The following DST variants were observed in gnomAD, a reference collection of about 807,000 sequenced individuals.
DST encodes dystonin.
DST carries 253 observed loss-of-function variants against 875.2 expected under a neutral mutation model. The observed-to-expected ratio is 0.29, with a 90% CI of 0.26 to 0.32. The LOEUF (loss-of-function observed/expected upper bound fraction) is 0.32. DST is among the 10% of genes least tolerant of loss of function. DST has a pLI of 1.00. For missense variants in DST, 8,287 were observed against 9,111.6 expected, an observed-to-expected ratio of 0.91 and a Z score of 3.68; for synonymous variants, 3,124 against 3,197.1, an observed-to-expected ratio of 0.98 and a Z score of 0.77.
intron 2 of DST, among the ~76,000 whole-genome samples, chr6:56,912,621 A>C (rs375317637): frequency 6.6e-6 from 1 of 152,146 alleles, no homozygotes; most frequent in East Asian, 1.9e-4. Flanking sequence ...AACACAATAA[A>C]AGTTTATGCC....
At position 56,604,142 on chromosome 6, in the gene DST, G is replaced by C. The variant is rs1431502306; in HGVS notation, c.10486C>G (p.Leu3496Val). ...PLQLENIFYKLLADGYSEKIE... is the reference protein window; with the variant it reads ...PLQLENIFYKVLADGYSEKIE... ...TTCTCTGAATATCCATCAGCAAGCA[G>C]TTTGTAGAAAATATTTTCAAGCTGC... is the stretch of plus-strand genomic sequence containing the variant. Residue 3496 changes from leucine (L) to valine (V), a missense_variant, in exon 40 of 104, where the codon CTG becomes GTG. Physicochemically the swap from Leu to Val is conservative, Grantham distance 32. Transcript: ENST00000680361. 1.3e-6 allele frequency: 2 copies of C among 1,585,962 alleles called. No individual in the cohort carries two copies. The highest frequency in any genetic ancestry group is 2.3e-5 in the South Asian group (2 of 87,798).
chr6:56,629,378 T>G lies in DST; in HGVS notation c.4347A>C (p.Lys1449Asn). Reference sequence around the variant, plus strand: ...ACATTTCATCACTGATGGCTTTAGCTTTCTGCAACTCATCCTCTAAGGCAT... The same window carrying G: ...ACATTTCATCACTGATGGCTTTAGCGTTCTGCAACTCATCCTCTAAGGCAT... ...VFHALEDELQ[K>N]AKAISDEMFK... is the part of the protein sequence containing the mutation. The change falls in exon 32 of 104, where the codon AAA (lysine) becomes AAC (asparagine). Residue 1449 changes from lysine (K) to asparagine (N), a missense_variant. Transcript: ENST00000680361. 6.2e-7 allele frequency: 1 copy of G among 1,613,764 alleles called. No individual in the cohort carries two copies. The highest frequency in any genetic ancestry group is 1.1e-5 in the South Asian group (1 of 91,078).
intron 45 of DST, 62 bp downstream of exon 45, chr6:56,600,007 C>T: frequency 1.4e-6 from 2 of 1,452,076 alleles, no homozygotes; most frequent in South Asian, 1.5e-5. Context: ...TCACTGACTT[C>T]CAAATGATAG....
chr6:56,865,800 C>G (rs1773729066), intron 3 of DST, among the ~76,000 whole-genome samples: 1 of 152,096 alleles, frequency 6.6e-6, no homozygotes, highest in Non-Finnish European at 1.5e-5. Context: ...AATCTGCTAC[C>G]AAAAACTGCT....
At position 56,482,841 on chromosome 6, in the gene DST, C is replaced by A; in HGVS notation, c.21244G>T (p.Val7082Leu). Residue 7082 changes from valine to leucine, a missense_variant, in exon 89 of 104, where the codon GTG (valine) becomes TTG (leucine). Physicochemically the swap from Val to Leu is conservative, Grantham distance 32 (BLOSUM62 1). Around this residue, in one of 10 missense-constraint regions of DST, gnomAD observed 1,292 missense variants for 1,552.7 expected, o/e 0.83. Transcript: ENST00000680361. Reference protein sequence around the residue: ...QKELGKRTSSVQALKRSAREL... With the variant: ...QKELGKRTSSLQALKRSAREL... ...CGGGCTGAGCGCTTCAGGGCCTGCA[C>A]ACTGCTGGTCCTCTTCCCCAACTCT... 1 of 1,596,398 alleles carries A rather than the reference C, an allele frequency of 6.3e-7. No individual in the cohort carries two copies. The highest frequency in any genetic ancestry group is 8.5e-7 in the Non-Finnish European group (1 of 1,170,472).
At chr6:56,621,647 T>C (rs913191681) in intron 36 of DST, among the ~76,000 whole-genome samples, 2 of 152,188 alleles carry the variant, frequency 1.3e-5, no homozygotes, top group Non-Finnish European at 2.9e-5. Context: ...AGAATCAATG[T>C]CAGCTGGGAG....
At chr6:56,726,002 T>C (rs1157721777) in intron 5 of DST, among the ~76,000 whole-genome samples, 2 of 152,162 alleles carry the variant, frequency 1.3e-5, no homozygotes, top group Non-Finnish European at 2.9e-5. Flanking sequence ...CATCAGAATA[T>C]ATTAACACTG....
chr6:56,543,963 CATT>C (rs1362764536), intron 61 of DST, among the ~76,000 whole-genome samples: 3 of 152,148 alleles, frequency 2.0e-5, no homozygotes, highest in Non-Finnish European at 4.4e-5. Flanking sequence ...ATGTGGCCAT[CATT>C]AAGTTGACTA....
chr6:56,893,571 T>TA (rs1788859352), intron 3 of DST, among the ~76,000 whole-genome samples: 1 of 70,438 alleles, frequency 1.4e-5, no homozygotes, highest in Non-Finnish European at 2.6e-5. Context: ...TCTTTTTTTT[T>TA]TTTTTTTTTT....
At chr6:56,811,947 A>C (rs1435875530) in intron 4 of DST, among the ~76,000 whole-genome samples, 2 of 151,494 alleles carry the variant, frequency 1.3e-5, no homozygotes, top group Admixed American at 1.3e-4. Flanking sequence ...ATACGAAAAA[A>C]AAAAATTAGC....
chr6:56,677,317 T>C (rs1361888121), intron 9 of DST, among the ~76,000 whole-genome samples: 1 of 152,098 alleles, frequency 6.6e-6, no homozygotes, highest in Non-Finnish European at 1.5e-5. Context: ...CATCCATCCA[T>C]CTATCTATCC....
At chr6:56,543,848 A>G (rs1380629695) in intron 61 of DST, among the ~76,000 whole-genome samples, 2 of 152,234 alleles carry the variant, frequency 1.3e-5, no homozygotes, top group African/African-American at 4.8e-5. Context: ...TATTCATTCG[A>G]TAAATCTAAG....
Position 56,514,575 on chromosome 6 carries a change from GTA to G in DST, c.18576+873_18576+874del, listed in dbSNP as rs1491104116. On this transcript the variant is annotated intron_variant, in intron 72 of 103. Coordinates refer to ENST00000680361, the MANE Select transcript of DST (RefSeq NM_001374736.1). The stretch of plus-strand genomic sequence containing the variant: ...CCCTCCTTCTCTCTTGGGCACAGGC[GTA>G]TACACACACACACACACACACACAC... 3.1e-3 allele frequency among the ~76,000 whole-genome samples: 358 copies of G among 114,026 alleles called. 2 individuals carry two copies. Among genetic ancestry groups the G allele is most frequent in the African/African-American group, 6.9e-3 (213 of 31,004 alleles). 74.8% of individuals were successfully genotyped at this position (114,026 alleles called of 152,430 possible). A position where few individuals can be genotyped will look rare whatever the true frequency, so the allele number is the denominator to read the frequency against.
intron 95 of DST, among the ~76,000 whole-genome samples, chr6:56,470,587 A>C (rs1253795205): frequency 6.6e-6 from 1 of 152,118 alleles, no homozygotes; most frequent in African/African-American, 2.4e-5. Context: ...AATTTACCTT[A>C]AGAATGACAT....
chr6:56,707,089 G>A (rs1267246557), intron 5 of DST, among the ~76,000 whole-genome samples: 2 of 152,188 alleles, frequency 1.3e-5, no homozygotes, highest in Non-Finnish European at 2.9e-5. Flanking sequence ...CAGAGCTCAG[G>A]TGGTAAGGCT....
intron 2 of DST, among the ~76,000 whole-genome samples, chr6:56,943,041 G>A (rs960339368): frequency 1.3e-5 from 2 of 151,974 alleles, no homozygotes; most frequent in East Asian, 1.9e-4. Context: ...CATTTCTGAC[G>A]CTCTTTATTC....
rs541884391 is a variant in DST at position 56,697,552 on chromosome 6, T to C, written c.1047+2101A>G. Among the ~76,000 whole-genome samples the C allele has an allele frequency of 2.0e-4, 30 of 152,236 alleles. No individual in the cohort carries two copies. The South Asian group carries it at 6.2e-3, about 32-fold the overall frequency. On this transcript the variant is annotated intron_variant, in intron 9 of 103. Transcript: ENST00000680361. The stretch of plus-strand genomic sequence containing the variant: ...GTGATGGACGGAAAAAGGAAAGTGA[T>C]GAACAGAAACACATTTTTTTTTAAG...
At chr6:56,733,236 T>A (rs1017331258) in intron 5 of DST, among the ~76,000 whole-genome samples, 1 of 152,012 alleles carries the variant, frequency 6.6e-6, no homozygotes, top group Non-Finnish European at 1.5e-5. Flanking sequence ...AACTCTAAGG[T>A]AAAGAGGCAA....
chr6:56,705,596 T>A (rs1439760783), intron 5 of DST, among the ~76,000 whole-genome samples: 25 of 152,174 alleles, frequency 1.6e-4, no homozygotes, highest in Admixed American at 1.6e-3. Context: ...TGTCAGAAAA[T>A]GTTTTTGATT....
Sources: allele counts gnomAD v4.1 joint callset (sites outside exome capture counted in the v4.1 genomes callset), GRCh38; gene constraint gnomAD v4.1.1; regional missense constraint gnomAD v4.1.1; transcripts MANE v1.5; gene names NCBI Gene and HGNC (gene_info 2026-07-23, HGNC 2026-07-21).